Variants in DMD observed in about 807,000 individuals in gnomAD.
DMD encodes the protein dystrophin, also known as mutant dystrophin.
DMD carries 63 observed loss-of-function variants against 330.1 expected under a neutral mutation model. The observed-to-expected ratio is 0.19, with a 90% confidence interval of 0.16 to 0.24. The LOEUF (loss-of-function observed/expected upper bound fraction) is 0.24, where lower values mean the gene tolerates loss of function less well. DMD is among the 10% of genes least tolerant of loss of function. The pLI is 1.00. For synonymous variants in DMD, 1,223 were observed against 959.8 expected (o/e 1.27, Z -5.07); for missense variants, 3,344 against 2,684.1 (o/e 1.25, Z -5.43).
chrX:32,795,549 T>C (rs1345138920), intron 7 of DMD, among the ~76,000 whole-genome samples: 1 of 111,697 alleles, frequency 9.0e-6, no homozygotes, highest in African/African-American at 3.3e-5. Flanking sequence ...AGGACCTTGG[T>C]CTAGGCAAAG....
At chrX:32,709,098 G>A (rs1324943130) in intron 7 of DMD, among the ~76,000 whole-genome samples, 2 of 111,882 alleles carry the variant, frequency 1.8e-5, no homozygotes, top group African/African-American at 6.5e-5. Flanking sequence ...CCTTTTGACA[G>A]TACTTATGAA....
intron 9 of DMD, among the ~76,000 whole-genome samples, chrX:32,652,630 T>G (rs954262382): frequency 1.2e-4 from 13 of 111,161 alleles, no homozygotes; most frequent in South Asian, 3.8e-4. Flanking sequence ...AGCATGATTT[T>G]TAATCCTTTG....
chrX:32,632,239 C>G (rs1353796748), intron 11 of DMD, among the ~76,000 whole-genome samples: 4 of 112,116 alleles, frequency 3.6e-5, no homozygotes, highest in African/African-American at 1.3e-4. Context: ...TGTCCTACAT[C>G]CAGGGTAAAC....
intron 1 of DMD, among the ~76,000 whole-genome samples, chrX:33,095,309 A>C (rs1366819511): frequency 8.9e-6 from 1 of 112,790 alleles, no homozygotes; most frequent in Non-Finnish European, 1.9e-5. Flanking sequence ...GGGTGGTATA[A>C]GTACACAGAA....
At chrX:31,899,098 G>T (rs754406431) in intron 47 of DMD, among the ~76,000 whole-genome samples, 14 of 111,924 alleles carry the variant, frequency 1.3e-4, no homozygotes, top group Admixed American at 4.7e-4. Context: ...TATCAGAAAA[G>T]TATGTGGAAT....
At chrX:32,800,643 G>A (rs763195133) in intron 7 of DMD, among the ~76,000 whole-genome samples, 1 of 110,920 alleles carries the variant, frequency 9.0e-6, no homozygotes, top group East Asian at 2.9e-4. Context: ...ATGCCATGGT[G>A]GTTTGCTGTA....
At chrX:33,222,266 C>A (rs2052195924) in intron 1 of DMD, among the ~76,000 whole-genome samples, 1 of 111,662 alleles carries the variant, frequency 9.0e-6, no homozygotes, top group Non-Finnish European at 1.9e-5. Context: ...CTACAATCTA[C>A]CATATTAACA....
chrX:33,056,891 A>G (rs1432739885), intron 1 of DMD, among the ~76,000 whole-genome samples: 1 of 111,112 alleles, frequency 9.0e-6, no homozygotes, highest in African/African-American at 3.3e-5. Flanking sequence ...CCTCTGAACC[A>G]TGCCCTCTAC....
chrX:31,248,367 A>C (rs1603210923), intron 63 of DMD, among the ~76,000 whole-genome samples: 1 of 111,732 alleles, frequency 8.9e-6, no homozygotes, highest in Non-Finnish European at 1.9e-5. Flanking sequence ...TAAACGTCGC[A>C]AGTACTTTCA....
intron 7 of DMD, among the ~76,000 whole-genome samples, chrX:32,709,642 T>C (rs140255459): frequency 1.1e-4 from 12 of 111,220 alleles, no homozygotes; most frequent in African/African-American, 3.9e-4. Context: ...TTTGGTGCTC[T>C]TTTACCTAAA....
At chrX:31,465,083 G>A (rs931970967) in intron 59 of DMD, among the ~76,000 whole-genome samples, 6 of 112,001 alleles carry the variant, frequency 5.4e-5, no homozygotes, top group African/African-American at 1.9e-4. Context: ...TAAGTAATTT[G>A]CTTTTAGCTT....
At chrX:32,809,678 A>G in intron 6 of DMD, 67 bp from the exon 7 acceptor site, 1 of 936,734 alleles carries the variant, frequency 1.1e-6, no homozygotes, top group Non-Finnish European at 1.5e-6. Context: ...GTTCCATGAG[A>G]TTTACTTCCA....
At chrX:32,636,057 G>A (rs2059073349) in intron 11 of DMD, among the ~76,000 whole-genome samples, 1 of 112,074 alleles carries the variant, frequency 8.9e-6, no homozygotes, top group African/African-American at 3.2e-5. Flanking sequence ...GTGTCACGGT[G>A]TGTATAAATC....
rs902836074 is a variant in DMD at position 31,169,368 on chromosome X, G to A, written c.10553+75C>T. On this transcript the variant is annotated intron_variant, in intron 74 of 78. Transcript: ENST00000357033. ...TAGACATAAAATGACTCTAAGTGAA[G>A]ATTCCTGGCACTTTTCTATGTGTGC... is the stretch of plus-strand genomic sequence containing the variant. 5.2e-5 allele frequency: 41 copies of A among 784,786 alleles called. No individual in the cohort carries two copies. The African/African-American group carries it at 7.0e-4, about 13-fold the overall frequency. The allele number at this position is 784,786 out of a possible 1,213,427, so 64.7% of individuals were successfully genotyped here. A position where few individuals can be genotyped will look rare whatever the true frequency, so the allele number is the denominator to read the frequency against.
In DMD at chrX:31,456,834, A is replaced by ATGTG. The variant is rs1172234432; in HGVS notation, c.8938-12208_8938-12207insCACA. 3.5e-3 allele frequency among the ~76,000 whole-genome samples: 237 copies of ATGTG among 67,005 alleles called. 1 individual carries two copies. The highest frequency in any genetic ancestry group is 0.012 in the African/African-American group (191 of 16,319). The allele number at this position is 67,005 out of a possible 115,157, so 58.2% of individuals were successfully genotyped here. A position where few individuals can be genotyped will look rare whatever the true frequency, so the allele number is the denominator to read the frequency against. On this transcript the variant is annotated intron_variant, in intron 59 of 78. Coordinates refer to ENST00000357033, the MANE Select transcript of DMD (RefSeq NM_004006.3). ...TATCCACTAGATACTGTGCCCACAT[A>ATGTG]TATGTGTGTGTGTGTGTGTGTGTGT...
chrX:32,454,599 G>A (rs962757365), intron 26 of DMD, 63 bp downstream of exon 26: 94 of 947,823 alleles, frequency 9.9e-5, no homozygotes, highest in Middle Eastern at 7.1e-4. Flanking sequence ...AAGCATTGTT[G>A]CATTTCTTTC....
intron 50 of DMD, among the ~76,000 whole-genome samples, chrX:31,787,837 A>G (rs372986764): frequency 1.8e-5 from 2 of 112,173 alleles, no homozygotes; most frequent in South Asian, 7.4e-4. Context: ...AAACCATACT[A>G]TGCCCAGAAG....
chrX:31,422,156 C>G (rs1012701639), intron 60 of DMD, among the ~76,000 whole-genome samples: 6 of 106,868 alleles, frequency 5.6e-5, no homozygotes, highest in Non-Finnish European at 1.2e-4. Context: ...TGGGTGCATG[C>G]CACCACACCC....
At chrX:32,826,877 A>C (rs1288978640) in intron 4 of DMD, among the ~76,000 whole-genome samples, 3 of 111,331 alleles carry the variant, frequency 2.7e-5, no homozygotes, top group Non-Finnish European at 5.6e-5. Context: ...CATATAAGTT[A>C]ATGTATATGT....
Sources: allele counts gnomAD v4.1 joint callset (sites outside exome capture counted in the v4.1 genomes callset), GRCh38; gene constraint gnomAD v4.1.1; transcripts MANE v1.5; gene names NCBI Gene and HGNC (gene_info 2026-07-23, HGNC 2026-07-21).